The following C16orf96 variants were observed in gnomAD, a reference collection of about 807,000 sequenced individuals.
The protein encoded by C16orf96 is uncharacterized protein C16orf96.
A neutral mutation model predicts 103.6 loss-of-function variants in C16orf96; 108 were observed. The observed-to-expected ratio is 1.04, with a 90% CI of 0.89 to 1.22. The LOEUF (loss-of-function observed/expected upper bound fraction) is 1.22. Ranked by LOEUF, C16orf96 falls within the 50% of genes most tolerant of loss-of-function variation. The pLI is 0.00. For synonymous variants in C16orf96, 566 were observed against 593.5 expected (o/e 0.95, Z 0.67); for missense variants, 1,586 against 1,464.2 (o/e 1.08, Z -1.36).
chr16:4,576,057 A>T lies in C16orf96; in HGVS notation c.1577A>T (p.Asp526Val), dbSNP rs746608798. ...GACCCCAAGGATAGAGCTCACAAGGATGATGTCCCCAAAGATAGAGGTGGC... is the reference window on the plus strand; with the variant it reads ...GACCCCAAGGATAGAGCTCACAAGGTTGATGTCCCCAAAGATAGAGGTGGC... ...DVDPKDRAHK[D>V]DVPKDRGGKD... is the part of the protein sequence containing the mutation. Residue 526 changes from aspartate (D) to valine (V), a missense_variant, in exon 5 of 16, where the codon GAT (aspartate) becomes GTT (valine). Physicochemically the swap from Asp to Val is radical, Grantham distance 152. Coordinates refer to ENST00000444310, the MANE Select transcript of C16orf96 (RefSeq NM_001145011.2). The T allele has an allele frequency of 6.4e-7, 1 of 1,551,170 alleles. No homozygotes were observed. Among genetic ancestry groups the T allele is most frequent in the Non-Finnish European group, 8.7e-7 (1 of 1,146,924 alleles).
At chr16:4,539,360 A>G in the C16orf96 span, among the ~76,000 whole-genome samples, 1 of 152,228 alleles carries the variant, frequency 6.6e-6, no homozygotes, top group African/African-American at 2.4e-5. Flanking sequence ...CTTCCTTTGT[A>G]AGAGTAACAC....
chr16:4,550,761 G>T, the C16orf96 span, among the ~76,000 whole-genome samples: 1 of 152,202 alleles, frequency 6.6e-6, no homozygotes, highest in Non-Finnish European at 1.5e-5. Context: ...CACTGCCCAA[G>T]CTGCTCTCCT....
intron 14 of C16orf96, among the ~76,000 whole-genome samples, chr16:4,598,121 GCC>G (rs1897211680): frequency 6.6e-6 from 1 of 152,154 alleles, no homozygotes; most frequent in Non-Finnish European, 1.5e-5. Flanking sequence ...GGAAGCTGAA[GCC>G]TGAGGATCAC....
intron 6 of C16orf96, among the ~76,000 whole-genome samples, chr16:4,579,493 G>C (rs1460601653): frequency 6.7e-6 from 1 of 149,628 alleles, no homozygotes; most frequent in Non-Finnish European, 1.5e-5. Context: ...GGTGGAGGCT[G>C]CAATGAGCCA....
chr16:4,546,459 T>TTC, the C16orf96 span, among the ~76,000 whole-genome samples: 1 of 135,892 alleles, frequency 7.4e-6, no homozygotes, highest in East Asian at 2.1e-4. Flanking sequence ...CGCCCGGACT[T>TTC]TTTTTTTTTT....
chr16:4,569,755 T>G (rs2059417639), intron 1 of C16orf96, among the ~76,000 whole-genome samples: 1 of 150,772 alleles, frequency 6.6e-6, no homozygotes. Context: ...CACCAGTCAC[T>G]CCCTACAGGG....
intron 1 of C16orf96, chr16:4,560,150 TGGAAATACAGGTGCGC>T (rs1236207446): frequency 6.6e-6 from 1 of 152,128 alleles, no homozygotes; most frequent in Admixed American, 6.6e-5. Context: ...CCTGAGTAGC[TGGAAATACAGGTGCGC>T]GCCACCATGC....
At position 4,556,887 on chromosome 16, in the gene C16orf96, G is replaced by C; in HGVS notation, c.398G>C (p.Gly133Ala). The C allele has an allele frequency of 6.5e-7, 1 of 1,545,826 alleles. No individual in the cohort carries two copies. Among genetic ancestry groups the C allele is most frequent in the Non-Finnish European group, 8.8e-7 (1 of 1,142,402 alleles). ...HLIKLRKMVE[G>A]HDEVMAKSMQ... ...ATCAAGCTCCGGAAGATGGTGGAGGGTCATGATGAAGTCATGGCCAAGGTA... is the reference window on the plus strand; with the variant it reads ...ATCAAGCTCCGGAAGATGGTGGAGGCTCATGATGAAGTCATGGCCAAGGTA... The change falls in exon 1 of 16, where the codon GGT (glycine) becomes GCT (alanine). Residue 133 changes from glycine (G) to alanine (A), a missense_variant. Coordinates refer to ENST00000444310, the MANE Select transcript of C16orf96 (RefSeq NM_001145011.2).
intron 2 of C16orf96, among the ~76,000 whole-genome samples, chr16:4,572,879 G>A (rs2059455303): frequency 3.3e-5 from 5 of 152,130 alleles, no homozygotes; most frequent in African/African-American, 1.2e-4. Flanking sequence ...CGAGACATGA[G>A]GCAGCTGTCC....
At chr16:4,598,671 T>G (rs1275009848) in intron 14 of C16orf96, among the ~76,000 whole-genome samples, 1 of 152,202 alleles carries the variant, frequency 6.6e-6, no homozygotes, top group Non-Finnish European at 1.5e-5. Flanking sequence ...TTAGGTGCTC[T>G]GGCCCCCAGC....
At chr16:4,579,770 C>G (rs1173544108) in intron 6 of C16orf96, among the ~76,000 whole-genome samples, 1 of 152,080 alleles carries the variant, frequency 6.6e-6, no homozygotes, top group Non-Finnish European at 1.5e-5. Flanking sequence ...CGCCACCACA[C>G]CTGGCTAATT....
At chr16:4,543,631 C>T in the C16orf96 span, among the ~76,000 whole-genome samples, 4 of 151,660 alleles carry the variant, frequency 2.6e-5, no homozygotes, top group African/African-American at 7.3e-5. Context: ...AGCCATGATC[C>T]GTATTTTATT....
intron 14 of C16orf96, among the ~76,000 whole-genome samples, chr16:4,595,864 G>A (rs768268591): frequency 6.6e-6 from 1 of 151,914 alleles, no homozygotes; most frequent in Admixed American, 6.6e-5. Flanking sequence ...GCACCACCAC[G>A]CCCGGCTAAA....
chr16:4,600,490 C>CCT lies in C16orf96; in HGVS notation c.*174_*175insTC, dbSNP rs1266215578. The CCT allele has an allele frequency of 3.0e-5, 11 of 369,664 alleles. No individual in the cohort carries two copies. Among genetic ancestry groups the CCT allele is most frequent in the Middle Eastern group, 1.3e-3 (2 of 1,518 alleles). 22.9% of individuals were successfully genotyped at this position (369,664 alleles called of 1,614,324 possible). Reference sequence around the variant, plus strand: ...CATGTCCGAGGCTGAGGCTCATGCGCCCCCCCCCATCCCTACCAAGTCCCC... The same window carrying CCT: ...CATGTCCGAGGCTGAGGCTCATGCGCCTCCCCCCCCATCCCTACCAAGTCCCC... On this transcript the variant is annotated 3_prime_UTR_variant, in exon 16 of 16. Coordinates refer to ENST00000444310, the MANE Select transcript of C16orf96 (RefSeq NM_001145011.2).
At chr16:4,573,449 A>G (rs2059462224) in intron 2 of C16orf96, among the ~76,000 whole-genome samples, 1 of 149,074 alleles carries the variant, frequency 6.7e-6, no homozygotes, top group Non-Finnish European at 1.5e-5. Flanking sequence ...AAAAAAAAAA[A>G]AAAAAAAAAG....
At chr16:4,591,170 GAGCGA>G (rs1897050824) in intron 9 of C16orf96, among the ~76,000 whole-genome samples, 1 of 152,204 alleles carries the variant, frequency 6.6e-6, no homozygotes, top group South Asian at 2.1e-4. Flanking sequence ...CTGGGCAACA[GAGCGA>G]GACTCTGTCT....
intron 1 of C16orf96, among the ~76,000 whole-genome samples, chr16:4,570,204 C>T (rs2059422903): frequency 6.6e-6 from 1 of 152,172 alleles, no homozygotes; most frequent in Non-Finnish European, 1.5e-5. Context: ...CTGCCTCAAG[C>T]TCCCAAAGTG....
At chr16:4,584,982 A>G (rs528378640) in intron 7 of C16orf96, among the ~76,000 whole-genome samples, 1 of 152,194 alleles carries the variant, frequency 6.6e-6, no homozygotes, top group South Asian at 2.1e-4. Context: ...AAATAATAAG[A>G]TTATAAAACA....
Position 4,588,337 on chromosome 16 carries a change from T to C in C16orf96, c.2592+6T>C, listed in dbSNP as rs1896977899. On this transcript the variant is annotated splice_donor_region_variant and intron_variant, in intron 9 of 15. Transcript: ENST00000444310. ...GCAAGGACGTGAACACCAAGGTGAA[T>C]GCCCCCATGTTGATTTTCACTTTAT... 1 of 1,543,604 alleles carries C rather than the reference T, an allele frequency of 6.5e-7. No individual in the cohort carries two copies. Among genetic ancestry groups the C allele is most frequent in the Admixed American group, 2.0e-5 (1 of 50,588 alleles).
Sources: allele counts gnomAD v4.1 joint callset (sites outside exome capture counted in the v4.1 genomes callset), GRCh38; gene constraint gnomAD v4.1.1; transcripts MANE v1.5; gene names NCBI Gene and HGNC (gene_info 2026-07-23, HGNC 2026-07-21).